The following WWOX variants were observed in gnomAD, a reference collection of about 807,000 sequenced individuals.
WWOX encodes the protein WW domain containing oxidoreductase, also known as WW domain-containing oxidoreductase.
A neutral mutation model predicts 46.2 loss-of-function variants in WWOX; 69 were observed. The ratio of observed to expected loss-of-function variants is 1.49; its 90% confidence interval spans 1.23 to 1.82. WWOX has a LOEUF of 1.82. Ranked by LOEUF, WWOX falls within the 40% of genes most tolerant of loss-of-function variation. The pLI, the probability that WWOX is intolerant of heterozygous loss-of-function variation, is 0.00. For missense variants in WWOX, 919 were observed against 542.6 expected (o/e 1.69, Z -6.89); for synonymous variants, 359 against 202.6 (o/e 1.77, Z -6.56).
At chr16:79,139,942 G>T (rs2150712892) in intron 8 of WWOX, among the ~76,000 whole-genome samples, 1 of 152,312 alleles carries the variant, frequency 6.6e-6, no homozygotes, top group South Asian at 2.1e-4. Flanking sequence ...ATACGGACTT[G>T]TACATTTCTG....
intron 8 of WWOX, among the ~76,000 whole-genome samples, chr16:79,094,752 C>G (rs937835444): frequency 9.2e-5 from 14 of 151,988 alleles, no homozygotes; most frequent in African/African-American, 3.1e-4. Flanking sequence ...GAATAACAAC[C>G]TCTCATTTAA....
chr16:79,108,589 G>C (rs1221287156), intron 8 of WWOX, among the ~76,000 whole-genome samples: 2 of 152,194 alleles, frequency 1.3e-5, no homozygotes, highest in Non-Finnish European at 2.9e-5. Flanking sequence ...TCATCATCAA[G>C]AAAAACATTG....
At chr16:78,462,075 G>T (rs2083964795) in intron 8 of WWOX, among the ~76,000 whole-genome samples, 1 of 152,104 alleles carries the variant, frequency 6.6e-6, no homozygotes, top group African/African-American at 2.4e-5. Flanking sequence ...TTTTGACCAG[G>T]GTCTAGCAGT....
intron 8 of WWOX, among the ~76,000 whole-genome samples, chr16:78,502,483 G>A (rs1212630331): frequency 1.3e-5 from 2 of 152,124 alleles, no homozygotes; most frequent in Non-Finnish European, 2.9e-5. Context: ...ATCATGTTTT[G>A]AAAGTTTATC....
intron 8 of WWOX, among the ~76,000 whole-genome samples, chr16:78,934,337 C>CAAAGAAAAAAAAAAAAAA (rs2045689357): frequency 1.3e-5 from 1 of 78,316 alleles, no homozygotes; most frequent in African/African-American, 5.7e-5. Context: ...GTCTCCGTCT[C>CAAAGAAAAAAAAAAAAAA]AAAAAAAAAA....
chr16:78,857,337 A>G (rs1363546572), intron 8 of WWOX, among the ~76,000 whole-genome samples: 4 of 152,348 alleles, frequency 2.6e-5, no homozygotes. Context: ...GACATTGGCA[A>G]AAGTTAAGAA....
At chr16:79,199,445 C>T (rs561025682) in intron 8 of WWOX, among the ~76,000 whole-genome samples, 6 of 152,240 alleles carry the variant, frequency 3.9e-5, no homozygotes, top group Admixed American at 1.3e-4. Flanking sequence ...TCACAGAAAG[C>T]GTCAAAGACA....
At chr16:78,955,859 G>A (rs967408734) in intron 8 of WWOX, among the ~76,000 whole-genome samples, 1 of 151,680 alleles carries the variant, frequency 6.6e-6, no homozygotes, top group East Asian at 1.9e-4. Flanking sequence ...TCCCAGGCTG[G>A]TCTCTAATTC....
At chr16:78,706,058 G>GTTTTTTTTT (rs3051058) in intron 8 of WWOX, among the ~76,000 whole-genome samples, 5 of 106,428 alleles carry the variant, frequency 4.7e-5, no homozygotes, top group Non-Finnish European at 8.8e-5. Flanking sequence ...GTTATGGCAG[G>GTTTTTTTTT]TTTTTTTTTT....
In WWOX at chr16:78,406,308, ATATATATAT is replaced by A. The variant is rs1567553288; in HGVS notation, c.606-18561_606-18553del. Among the ~76,000 whole-genome samples the A allele has an allele frequency of 2.6e-3, 52 of 20,194 alleles. 1 individual carries two copies. The highest frequency in any genetic ancestry group is 3.9e-3 in the Non-Finnish European group (49 of 12,622). The allele number at this position is 20,194 out of a possible 152,430, so 13.2% of individuals were successfully genotyped here. ...CATTACAGCATATAAATATAAATAT[ATATATATAT>A]ATATATATATATATATATATATATA... On this transcript the variant is annotated intron_variant, in intron 6 of 8. Coordinates refer to ENST00000566780, the MANE Select transcript of WWOX (RefSeq NM_016373.4).
intron 5 of WWOX, among the ~76,000 whole-genome samples, chr16:78,188,112 T>C (rs1300225862): frequency 6.6e-6 from 1 of 152,178 alleles, no homozygotes; most frequent in East Asian, 1.9e-4. Context: ...TTATATGAAA[T>C]TTAGTACTTG....
chr16:78,400,628 A>G (rs1389506882), intron 6 of WWOX, among the ~76,000 whole-genome samples: 1 of 151,984 alleles, frequency 6.6e-6, no homozygotes, highest in Non-Finnish European at 1.5e-5. Flanking sequence ...CTAAGGAGGG[A>G]GGGAGGGAGG....
chr16:78,943,562 A>T (rs1304009949), intron 8 of WWOX, among the ~76,000 whole-genome samples: 2 of 152,182 alleles, frequency 1.3e-5, no homozygotes, highest in East Asian at 3.9e-4. Flanking sequence ...TTTCTGACAC[A>T]TCACCATTGA....
intron 8 of WWOX, among the ~76,000 whole-genome samples, chr16:79,039,251 A>G (rs759596213): frequency 2.0e-5 from 3 of 152,166 alleles, no homozygotes; most frequent in African/African-American, 4.8e-5. Context: ...CTTTGCAGGA[A>G]TGACTGTCTT....
At chr16:78,469,200 C>T (rs914807650) in intron 8 of WWOX, among the ~76,000 whole-genome samples, 2 of 152,168 alleles carry the variant, frequency 1.3e-5, no homozygotes, top group African/African-American at 4.8e-5. Flanking sequence ...GATATTTATT[C>T]CCTCTCCTGA....
Position 79,201,347 on chromosome 16 carries a change from T to TC in WWOX, c.1057-10261_1057-10260insC, listed in dbSNP as rs200166066. On this transcript the variant is annotated intron_variant, in intron 8 of 8. Coordinates refer to ENST00000566780, the MANE Select transcript of WWOX (RefSeq NM_016373.4). ...AGAGGGTTTCCTTTTTCTTTTCTTT[T>TC]TTTTTTTTTTTTTTTAAATGGGAAA... Among the ~76,000 whole-genome samples the TC allele has an allele frequency of 6.7e-3, 996 of 147,666 alleles. 13 individuals carry two copies. The highest frequency in any genetic ancestry group is 0.023 in the African/African-American group (945 of 40,506).
At chr16:79,132,730 A>C (rs2049906049) in intron 8 of WWOX, among the ~76,000 whole-genome samples, 1 of 152,240 alleles carries the variant, frequency 6.6e-6, no homozygotes, top group Non-Finnish European at 1.5e-5. Context: ...ACTTTAAAAA[A>C]GTTAAGCACA....
rs978899513 is a variant in WWOX, at chr16:79,212,152, C to T, written c.*356C>T. 6.6e-7 allele frequency: 1 copy of T among 1,506,536 alleles called. No individual in the cohort carries two copies. Among genetic ancestry groups the T allele is most frequent in the African/African-American group, 1.4e-5 (1 of 71,758 alleles). 93.3% of individuals were successfully genotyped at this position (1,506,536 alleles called of 1,614,324 possible). ...TAGCCTGAGGTCCCCTCGTCCCATCCAGCTACCACCACGGCCACCACTGCA... is the reference window on the plus strand; with the variant it reads ...TAGCCTGAGGTCCCCTCGTCCCATCTAGCTACCACCACGGCCACCACTGCA... On this transcript the variant is annotated 3_prime_UTR_variant, in exon 9 of 9. Transcript: ENST00000566780.
intron 8 of WWOX, among the ~76,000 whole-genome samples, chr16:78,894,451 TA>T (rs1370113020): frequency 6.6e-6 from 1 of 152,206 alleles, no homozygotes; most frequent in African/African-American, 2.4e-5. Context: ...ATTTTTTGTC[TA>T]AATTATTGTT....
Sources: allele counts gnomAD v4.1 joint callset (sites outside exome capture counted in the v4.1 genomes callset), GRCh38; gene constraint gnomAD v4.1.1; transcripts MANE v1.5; gene names NCBI Gene and HGNC (gene_info 2026-07-23, HGNC 2026-07-21).